SPAG16: variants seen among roughly 807,000 people sequenced by gnomAD.
SPAG16 encodes the protein sperm associated antigen 16.
SPAG16 carries 86 observed loss-of-function variants against 80.4 expected under a neutral mutation model. That is an observed-to-expected ratio of 1.07 (90% confidence interval 0.90 to 1.28). The LOEUF (loss-of-function observed/expected upper bound fraction) is 1.28, where lower values mean the gene tolerates loss of function less well. SPAG16 is among the 50% of genes most tolerant of loss of function. The pLI is 0.00. For missense variants in SPAG16, 870 were observed against 765.3 expected (o/e 1.14, Z -1.61); for synonymous variants, 294 against 265.9 (o/e 1.11, Z -1.03).
chr2:214,142,442 AT>A (rs1166613036), intron 14 of SPAG16, among the ~76,000 whole-genome samples: 1 of 152,078 alleles, frequency 6.6e-6, no homozygotes, highest in African/African-American at 2.4e-5. Context: ...GTTATGGAAA[AT>A]TTTTGGTAGC....
At chr2:213,499,470 A>G (rs1233821430) in intron 10 of SPAG16, among the ~76,000 whole-genome samples, 2 of 152,166 alleles carry the variant, frequency 1.3e-5, no homozygotes, top group African/African-American at 4.8e-5. Flanking sequence ...ATATGTGTTG[A>G]AAGAATGAAT....
At chr2:213,913,762 A>G (rs2077816422) in intron 11 of SPAG16, among the ~76,000 whole-genome samples, 1 of 151,750 alleles carries the variant, frequency 6.6e-6, no homozygotes, top group Non-Finnish European at 1.5e-5. Flanking sequence ...GAGAGAACAG[A>G]CTCTCTTTGG....
intron 15 of SPAG16, among the ~76,000 whole-genome samples, chr2:214,227,033 A>G (rs1279216497): frequency 3.3e-5 from 5 of 152,130 alleles, no homozygotes; most frequent in Non-Finnish European, 5.9e-5. Flanking sequence ...CTAGCACACT[A>G]GTCCAGAAAA....
intron 10 of SPAG16, among the ~76,000 whole-genome samples, chr2:213,608,052 G>A (rs1455409084): frequency 6.6e-6 from 1 of 152,090 alleles, no homozygotes; most frequent in Non-Finnish European, 1.5e-5. Flanking sequence ...TGAGACAACA[G>A]GTTCAAATCT....
At chr2:214,349,703 A>G (rs1559233022) in intron 15 of SPAG16, among the ~76,000 whole-genome samples, 1 of 152,234 alleles carries the variant, frequency 6.6e-6, no homozygotes, top group Non-Finnish European at 1.5e-5. Context: ...CTCACCACCA[A>G]TGCACAAGAG....
intron 15 of SPAG16, among the ~76,000 whole-genome samples, chr2:214,401,107 A>T (rs531201092): frequency 2.6e-5 from 4 of 152,128 alleles, no homozygotes; most frequent in South Asian, 4.1e-4. Flanking sequence ...ATCACATTTC[A>T]TATCTCCTTT....
At chr2:213,695,248 CATGACCATCAGGGCAACTGTTCTTAA>C (rs1481276619) in intron 10 of SPAG16, among the ~76,000 whole-genome samples, 1 of 152,168 alleles carries the variant, frequency 6.6e-6, no homozygotes, top group Non-Finnish European at 1.5e-5. Context: ...TTACTTAACA[CATGACCATCAGGGCAACTGTTCTTAA>C]ATTTCTTCAC....
At chr2:213,322,462 A>C (rs928224792) in intron 5 of SPAG16, among the ~76,000 whole-genome samples, 2 of 152,086 alleles carry the variant, frequency 1.3e-5, no homozygotes, top group Middle Eastern at 3.4e-3. Flanking sequence ...GGCCTTGGAC[A>C]CAAGAGAACT....
At chr2:213,594,131 T>G (rs899294733) in intron 10 of SPAG16, among the ~76,000 whole-genome samples, 1 of 152,138 alleles carries the variant, frequency 6.6e-6, no homozygotes, top group African/African-American at 2.4e-5. Flanking sequence ...CACATATTTT[T>G]CAATGCATCA....
At chr2:213,333,274 TTAGA>T (rs1330623234) in intron 5 of SPAG16, among the ~76,000 whole-genome samples, 3 of 151,892 alleles carry the variant, frequency 2.0e-5, no homozygotes, top group East Asian at 1.9e-4. Context: ...ATGGATAAAA[TTAGA>T]TAGGAAGTAA....
At chr2:213,932,651 G>A (rs1388445595) in intron 12 of SPAG16, among the ~76,000 whole-genome samples, 1 of 152,136 alleles carries the variant, frequency 6.6e-6, no homozygotes, top group Non-Finnish European at 1.5e-5. Context: ...CTTGATTGGT[G>A]TTCTATCTCT....
chr2:214,195,823 G>A lies in SPAG16; in HGVS notation c.1720+46557G>A, dbSNP rs927310106. Among the ~76,000 whole-genome samples the A allele has an allele frequency of 1.2e-4, 18 of 151,920 alleles. 1 individual carries two copies. Among genetic ancestry groups the A allele is most frequent in the Admixed American group, 1.1e-3 (17 of 15,196 alleles). ...TAGCTATGGAAGTCTAGATTCTGAC[G>A]GGGAATTTCAAGCTGGAGTTATGAA... On this transcript the variant is annotated intron_variant, in intron 15 of 15. Coordinates refer to ENST00000331683, the MANE Select transcript of SPAG16 (RefSeq NM_024532.5).
At chr2:213,540,029 ATTTTTTTTT>A (rs58117443) in intron 10 of SPAG16, among the ~76,000 whole-genome samples, 2 of 110,832 alleles carry the variant, frequency 1.8e-5, no homozygotes, top group African/African-American at 6.7e-5. Flanking sequence ...ATATTTCTTA[ATTTTTTTTT>A]TTTTTTTTTT....
intron 10 of SPAG16, among the ~76,000 whole-genome samples, chr2:213,664,710 C>T (rs919429831): frequency 2.0e-5 from 3 of 152,046 alleles, no homozygotes; most frequent in Non-Finnish European, 4.4e-5. Context: ...TTCTTGGATT[C>T]TCAGACTCAA....
intron 10 of SPAG16, among the ~76,000 whole-genome samples, chr2:213,540,466 T>TATGTA (rs1321924665): frequency 6.6e-6 from 1 of 152,220 alleles, no homozygotes; most frequent in African/African-American, 2.4e-5. Context: ...AATTATCATT[T>TATGTA]ATTTTCATAA....
At chr2:213,539,164 A>G (rs528960840) in intron 10 of SPAG16, among the ~76,000 whole-genome samples, 28 of 152,182 alleles carry the variant, frequency 1.8e-4, no homozygotes, top group Non-Finnish European at 3.7e-4. Context: ...AAATGCTCTT[A>G]AATATTATAA....
chr2:213,794,960 A>T (rs923405566), intron 10 of SPAG16, among the ~76,000 whole-genome samples: 1 of 152,184 alleles, frequency 6.6e-6, no homozygotes, highest in African/African-American at 2.4e-5. Flanking sequence ...ATGTTAATTT[A>T]TTCTCTACTG....
At chr2:213,925,052 C>A (rs1189507203) in intron 11 of SPAG16, among the ~76,000 whole-genome samples, 1 of 152,070 alleles carries the variant, frequency 6.6e-6, no homozygotes, top group Non-Finnish European at 1.5e-5. Flanking sequence ...ACCATGCTGA[C>A]TGAATTTAGT....
intron 4 of SPAG16, among the ~76,000 whole-genome samples, chr2:213,315,973 A>G (rs188651239): frequency 6.6e-6 from 1 of 151,536 alleles, no homozygotes; most frequent in East Asian, 1.9e-4. Context: ...TTCTTTCTTT[A>G]CTTTCATTTC....
Sources: allele counts gnomAD v4.1 joint callset (sites outside exome capture counted in the v4.1 genomes callset), GRCh38; gene constraint gnomAD v4.1.1; transcripts MANE v1.5; gene names NCBI Gene and HGNC (gene_info 2026-07-23, HGNC 2026-07-21).